Variants in CLDN16 observed in about 807,000 individuals in gnomAD.
CLDN16 encodes claudin 16.
Under a neutral mutation model 24.6 loss-of-function variants are expected in CLDN16, and 13 were observed. The ratio of observed to expected loss-of-function variants is 0.53; its 90% CI spans 0.34 to 0.84. The LOEUF (loss-of-function observed/expected upper bound fraction) is 0.84. CLDN16 is among the 40% of genes least tolerant of loss of function. CLDN16 has a pLI of 0.01. For missense variants in CLDN16, 298 were observed against 292.7 expected (o/e 1.02, Z -0.13); for synonymous variants, 116 against 106.7 (o/e 1.09, Z -0.54).
At position 190,397,142 on chromosome 3, in the gene CLDN16, A is replaced by T. The variant is rs554846016; in HGVS notation, c.115-5195A>T. Among the ~76,000 whole-genome samples the T allele has an allele frequency of 2.0e-3, 311 of 152,238 alleles. 13 individuals carry two copies. The South Asian group carries it at 0.06, about 30-fold the overall frequency. ...GTAAAATCTCTACACATTTTTGGCA[A>T]CTAATTAAGAGATTTTTTGCTTTCC... On this transcript the variant is annotated intron_variant, in intron 1 of 4. Coordinates refer to ENST00000264734, the MANE Select transcript of CLDN16 (RefSeq NM_006580.4).
At chr3:190,377,508 C>G (rs963794385) in intron 3 of CLDN16, among the ~76,000 whole-genome samples, 3 of 151,528 alleles carry the variant, frequency 2.0e-5, no homozygotes. Flanking sequence ...TAAAACAAAA[C>G]AAAACAAAGC....
At chr3:190,302,783 T>A in the CLDN16 span, among the ~76,000 whole-genome samples, 40,364 of 121,510 alleles carry the variant, frequency 0.33, 6,017 homozygotes, top group African/African-American at 0.45. Flanking sequence ...AAAAAAAATA[T>A]ATATATATAT....
rs773532681 is a variant in CLDN16, at chr3:190,408,544, C to G, written c.574+39C>G. 9 of 1,577,024 alleles carry G rather than the reference C, an allele frequency of 5.7e-6. No individual in the cohort carries two copies. The Admixed American group carries it at 1.3e-4, about 23-fold the overall frequency. On this transcript the variant is annotated intron_variant, in intron 4 of 4. Transcript: ENST00000264734. ...AAAATAGCAAATTTCCTTGCCTCCACTATCGTTTTTCCCAATCCAGTGGAA... is the reference window on the plus strand; with the variant it reads ...AAAATAGCAAATTTCCTTGCCTCCAGTATCGTTTTTCCCAATCCAGTGGAA...
At chr3:190,340,565 G>A (rs1717404138) in intron 1 of CLDN16, among the ~76,000 whole-genome samples, 1 of 152,090 alleles carries the variant, frequency 6.6e-6, no homozygotes, top group South Asian at 2.1e-4. Context: ...CACAACACGT[G>A]GGAATCGTGG....
At chr3:190,305,883 T>C in the CLDN16 span, 1 of 152,176 alleles carries the variant, frequency 6.6e-6, no homozygotes, top group African/African-American at 2.4e-5. Flanking sequence ...GCCATAAAAT[T>C]TTTTTGTAAT....
At chr3:190,354,624 T>G (rs558590619) in intron 1 of CLDN16, among the ~76,000 whole-genome samples, 1 of 151,886 alleles carries the variant, frequency 6.6e-6, no homozygotes, top group African/African-American at 2.4e-5. Context: ...GTGGTGCAAA[T>G]TGGGCAAAAT....
At chr3:190,355,439 T>C (rs1717747823) in intron 1 of CLDN16, among the ~76,000 whole-genome samples, 1 of 151,948 alleles carries the variant, frequency 6.6e-6, no homozygotes, top group Non-Finnish European at 1.5e-5. Context: ...AAAAGCAATG[T>C]TCTATCGACT....
In CLDN16 at chr3:190,371,016, TTA is replaced by T. The variant is rs141854157; in HGVS notation, n.230+38_230+39del. The T allele has an allele frequency of 2.3e-3, 32 of 13,874 alleles. 2 individuals are homozygous for T. The South Asian group carries it at 0.059, about 26-fold the overall frequency. The allele number at this position is 13,874 out of a possible 1,614,324, so 0.9% of individuals were successfully genotyped here. ...CTTGTGATCATGTGAGTTAATACCT[TTA>T]TATATATATATATATATATATAAAA... On this transcript the variant is annotated intron_variant and non_coding_transcript_variant, in intron 2 of 4. Transcript: ENST00000468220.
chr3:190,408,588 A>T, intron 4 of CLDN16, 83 bp downstream of exon 4: 1 of 1,310,474 alleles, frequency 7.6e-7, no homozygotes, highest in Middle Eastern at 2.0e-4. Flanking sequence ...CAAAAGGAAA[A>T]AAATGTTATT....
At chr3:190,322,662 GTAAGGCGTTTCACGCT>G (rs1339018263) in intron 1 of CLDN16, 5 of 237,720 alleles carry the variant, frequency 2.1e-5, no homozygotes, top group Non-Finnish European at 4.2e-5. Flanking sequence ...TCTCGCTCCT[GTAAGGCGTTTCACGCT>G]TTTCATTCAT....
intron 1 of CLDN16, among the ~76,000 whole-genome samples, chr3:190,332,807 C>T (rs546963818): frequency 6.7e-6 from 1 of 149,994 alleles, no homozygotes; most frequent in Non-Finnish European, 1.5e-5. Flanking sequence ...CATACTATGG[C>T]TTAAGAGACT....
At chr3:190,348,977 C>G (rs1422143230) in intron 1 of CLDN16, among the ~76,000 whole-genome samples, 1 of 152,186 alleles carries the variant, frequency 6.6e-6, no homozygotes, top group Non-Finnish European at 1.5e-5. Flanking sequence ...CCATCCATGT[C>G]TCTGCAAAGG....
At chr3:190,364,889 C>T (rs1717984392) in intron 1 of CLDN16, among the ~76,000 whole-genome samples, 2 of 151,554 alleles carry the variant, frequency 1.3e-5, no homozygotes, top group South Asian at 2.1e-4. Context: ...CTCAAAACTT[C>T]GCTGACATGG....
At position 190,361,026 on chromosome 3, in the gene CLDN16, T is replaced by A. The variant is rs563570656; in HGVS notation, n.122-9867T>A. 5.9e-5 allele frequency among the ~76,000 whole-genome samples: 9 copies of A among 152,170 alleles called. No individual in the cohort carries two copies. The South Asian group carries it at 1.9e-3, about 32-fold the overall frequency. Reference sequence around the variant, plus strand: ...TAAGAATTTAAGAAATTATGTTTAGTGTAGGTTTACTGGGAACTAATTCCT... The same window carrying A: ...TAAGAATTTAAGAAATTATGTTTAGAGTAGGTTTACTGGGAACTAATTCCT... On this transcript the variant is annotated intron_variant and non_coding_transcript_variant, in intron 1 of 4. Coordinates refer to the CLDN16 transcript ENST00000468220.
chr3:190,411,946 A>G lies in CLDN16; in HGVS notation c.*1910A>G, dbSNP rs1416183286. 1 of 152,120 alleles carries G rather than the reference A, an allele frequency of 6.6e-6. No individual in the cohort carries two copies. 9.4% of individuals were successfully genotyped at this position (152,120 alleles called of 1,614,324 possible). A position where few individuals can be genotyped will look rare whatever the true frequency, so the allele number is the denominator to read the frequency against. ...TACTATTGTCTGTCATGCTTTATGT[A>G]TTCCAATAAGTGTCTTGAAATCCTT... On this transcript the variant is annotated 3_prime_UTR_variant, in exon 5 of 5. Coordinates refer to ENST00000264734, the MANE Select transcript of CLDN16 (RefSeq NM_006580.4).
upstream of CLDN16, among the ~76,000 whole-genome samples, chr3:190,385,325 A>C (rs1385184015): frequency 6.6e-6 from 1 of 152,116 alleles, no homozygotes; most frequent in Non-Finnish European, 1.5e-5. Flanking sequence ...TTAGAAGTGC[A>C]CTCACATCCC....
rs778897400 is a variant in CLDN16, at chr3:190,411,473, C to T, written c.*1437C>T. On this transcript the variant is annotated 3_prime_UTR_variant, in exon 5 of 5. Coordinates refer to ENST00000264734, the MANE Select transcript of CLDN16 (RefSeq NM_006580.4). Reference sequence around the variant, plus strand: ...AATTACTTGTCAGTCACATTAATAACATTAGTACCTTTATGGTACCCTTGC... The same window carrying T: ...AATTACTTGTCAGTCACATTAATAATATTAGTACCTTTATGGTACCCTTGC... 1 of 151,848 alleles carries T rather than the reference C, an allele frequency of 6.6e-6. No homozygotes were observed. The highest frequency in any genetic ancestry group is 1.5e-5 in the Non-Finnish European group (1 of 67,992). The allele number at this position is 151,848 out of a possible 1,614,324, so 9.4% of individuals were successfully genotyped here.
At chr3:190,336,152 AG>A (rs1327460236) in intron 1 of CLDN16, among the ~76,000 whole-genome samples, 3 of 152,196 alleles carry the variant, frequency 2.0e-5, no homozygotes, top group Non-Finnish European at 2.9e-5. Context: ...TAAGTGCAAA[AG>A]TCAGAGGTTA....
rs1717332410 is a variant in CLDN16 at position 190,337,279 on chromosome 3, G to A, written n.121+14618G>A. On this transcript the variant is annotated intron_variant and non_coding_transcript_variant, in intron 1 of 4. Transcript: ENST00000468220. ...TGGTCATTGGTGGATAGCTTGGCCT[G>A]AACAAAGCAATGTTTTCATATTAGT... 3.9e-5 allele frequency among the ~76,000 whole-genome samples: 6 copies of A among 152,312 alleles called. No homozygotes were observed. The South Asian group carries it at 1.2e-3, about 32-fold the overall frequency.
Sources: allele counts gnomAD v4.1 joint callset (sites outside exome capture counted in the v4.1 genomes callset), GRCh38; gene constraint gnomAD v4.1.1; transcripts MANE v1.5; gene names NCBI Gene and HGNC (gene_info 2026-07-23, HGNC 2026-07-21).